BMP5: variants seen among roughly 807,000 people sequenced by gnomAD.
BMP5 encodes the protein bone morphogenetic protein 5.
Under a neutral mutation model 46.6 loss-of-function variants are expected in BMP5, and 23 were observed. That is an observed-to-expected ratio of 0.49 (90% CI 0.35 to 0.70). The LOEUF (loss-of-function observed/expected upper bound fraction) is 0.70, where lower values mean the gene tolerates loss of function less well. BMP5 is among the 30% of genes least tolerant of loss of function. The pLI is 0.00. For synonymous variants in BMP5, 204 were observed against 191.9 expected, an observed-to-expected ratio of 1.06 and a Z score of -0.52; for missense variants, 545 against 565.6, an observed-to-expected ratio of 0.96 and a Z score of 0.37.
intron 3 of BMP5, among the ~76,000 whole-genome samples, chr6:55,791,557 T>C (rs1158125467): frequency 1.3e-5 from 2 of 152,088 alleles, no homozygotes; most frequent in African/African-American, 4.8e-5. Context: ...AAAGTAAAAT[T>C]ACCCATGTAA....
At chr6:55,764,571 C>CAAAAA (rs57293392) in intron 4 of BMP5, among the ~76,000 whole-genome samples, 1 of 110,154 alleles carries the variant, frequency 9.1e-6, no homozygotes, top group African/African-American at 3.3e-5. Flanking sequence ...GACTCTGTCT[C>CAAAAA]AAAAAAAAAA....
intron 3 of BMP5, among the ~76,000 whole-genome samples, chr6:55,785,611 G>A (rs1775427965): frequency 6.6e-6 from 1 of 151,744 alleles, no homozygotes; most frequent in Non-Finnish European, 1.5e-5. Context: ...ATTTTCAGTA[G>A]AAATCTAGTC....
At chr6:55,798,107 A>G (rs536684451) in intron 2 of BMP5, among the ~76,000 whole-genome samples, 1 of 152,130 alleles carries the variant, frequency 6.6e-6, no homozygotes, top group South Asian at 2.1e-4. Flanking sequence ...CCTTCTCATC[A>G]TCTTTTCTCC....
intron 1 of BMP5, among the ~76,000 whole-genome samples, chr6:55,856,906 G>A (rs1309860053): frequency 3.3e-5 from 5 of 152,042 alleles, no homozygotes; most frequent in African/African-American, 7.2e-5. Flanking sequence ...TTTATGGAAA[G>A]ATTTCACACT....
chr6:55,788,620 A>G (rs937628900), intron 3 of BMP5, among the ~76,000 whole-genome samples: 1 of 151,876 alleles, frequency 6.6e-6, no homozygotes, highest in African/African-American at 2.4e-5. Flanking sequence ...TTTATCATAC[A>G]GAACTTTATT....
At chr6:55,836,551 C>T (rs1396571784) in intron 1 of BMP5, among the ~76,000 whole-genome samples, 1 of 151,558 alleles carries the variant, frequency 6.6e-6, no homozygotes, top group Non-Finnish European at 1.5e-5. Flanking sequence ...TTGTAGATTG[C>T]CAGTTGACAA....
chr6:55,866,095 T>C (rs1777633665), intron 1 of BMP5, among the ~76,000 whole-genome samples: 1 of 152,180 alleles, frequency 6.6e-6, no homozygotes, highest in South Asian at 2.1e-4. Context: ...ATCAAGGTTA[T>C]TTGCAGAAGA....
At chr6:55,781,062 T>C (rs187268426) in intron 3 of BMP5, among the ~76,000 whole-genome samples, 13 of 152,214 alleles carry the variant, frequency 8.5e-5, no homozygotes, top group Admixed American at 7.9e-4. Flanking sequence ...GTAGTTTACC[T>C]CCACAAAAGC....
At chr6:55,806,585 G>C (rs989248267) in intron 2 of BMP5, among the ~76,000 whole-genome samples, 5 of 152,132 alleles carry the variant, frequency 3.3e-5, no homozygotes, top group African/African-American at 1.2e-4. Flanking sequence ...ATTTAAAGTA[G>C]TTTTTTCTAA....
intron 3 of BMP5, among the ~76,000 whole-genome samples, chr6:55,786,779 C>A (rs1174682474): frequency 6.6e-6 from 1 of 151,392 alleles, no homozygotes; most frequent in Admixed American, 6.6e-5. Flanking sequence ...ATATGTGATT[C>A]TTTCAGTTTC....
At chr6:55,850,160 G>C (rs934767837) in intron 1 of BMP5, among the ~76,000 whole-genome samples, 1 of 152,010 alleles carries the variant, frequency 6.6e-6, no homozygotes, top group Non-Finnish European at 1.5e-5. Flanking sequence ...CAAGTTACTT[G>C]ACTTTTAGCT....
intron 1 of BMP5, among the ~76,000 whole-genome samples, chr6:55,856,431 A>C (rs1301168931): frequency 6.6e-6 from 1 of 152,168 alleles, no homozygotes; most frequent in Admixed American, 6.5e-5. Flanking sequence ...GCATAAGTTT[A>C]ATGTTATCAA....
chr6:55,835,178 G>A (rs1776760978), intron 1 of BMP5, among the ~76,000 whole-genome samples: 1 of 151,866 alleles, frequency 6.6e-6, no homozygotes, highest in Non-Finnish European at 1.5e-5. Context: ...AGCTTCATTA[G>A]CAGAAAAATA....
At chr6:55,832,533 A>G (rs1776690395) in intron 1 of BMP5, among the ~76,000 whole-genome samples, 1 of 152,216 alleles carries the variant, frequency 6.6e-6, no homozygotes, top group Admixed American at 6.6e-5. Flanking sequence ...TGTGCTTCTC[A>G]TCTGTTTTAA....
intron 1 of BMP5, among the ~76,000 whole-genome samples, chr6:55,830,572 T>C (rs1421453588): frequency 2.0e-5 from 3 of 152,116 alleles, no homozygotes; most frequent in Admixed American, 6.6e-5. Flanking sequence ...GACCATCTTA[T>C]TTTAGATTCA....
chr6:55,758,006 A>G (rs1774656073), intron 6 of BMP5, among the ~76,000 whole-genome samples: 1 of 151,940 alleles, frequency 6.6e-6, no homozygotes, highest in Non-Finnish European at 1.5e-5. Context: ...GGAAAATAGC[A>G]AACTTATGGA....
chr6:55,836,159 T>C (rs926096867), intron 1 of BMP5, among the ~76,000 whole-genome samples: 1 of 152,166 alleles, frequency 6.6e-6, no homozygotes, highest in Non-Finnish European at 1.5e-5. Flanking sequence ...ATTTTAATTG[T>C]AGATGATGTT....
chr6:55,874,594 T>A lies in BMP5; in HGVS notation c.272A>T (p.Glu91Val). 1 of 1,613,576 alleles carries A rather than the reference T, an allele frequency of 6.2e-7. No individual in the cohort carries two copies. Among genetic ancestry groups the A allele is most frequent in the African/African-American group, 1.3e-5 (1 of 74,966 alleles). Residue 91 changes from glutamate to valine, a missense_variant, in exon 1 of 7, where the codon GAA (glutamate) becomes GTA (valine). Coordinates refer to ENST00000370830, the MANE Select transcript of BMP5 (RefSeq NM_021073.4). ...MLDLYNAMTN[E>V]ENPEESEYSV... ...GTACTCCGACTCTTCAGGATTTTCT[T>A]CATTGGTCATGGCATTGTAGAGATC...
At chr6:55,761,927 A>G (rs2127516346) in intron 4 of BMP5, among the ~76,000 whole-genome samples, 1 of 152,218 alleles carries the variant, frequency 6.6e-6, no homozygotes, top group Non-Finnish European at 1.5e-5. Context: ...ATAAACATTC[A>G]AAAAAGTATC....
Sources: gnomAD v4.1 joint callset for allele counts (sites outside exome capture counted in the v4.1 genomes callset) on GRCh38, gnomAD v4.1.1 for gene constraint, MANE v1.5 for transcripts, NCBI Gene and HGNC (gene_info 2026-07-23, HGNC 2026-07-21) for gene names.